Variants in CSMD1 observed in about 807,000 individuals in gnomAD.
The protein encoded by CSMD1 is CUB and sushi domain-containing protein 1.
CSMD1 carries 213 observed loss-of-function variants against 417.5 expected under a neutral mutation model. The observed-to-expected ratio is 0.51, with a 90% CI of 0.46 to 0.57. CSMD1 has a LOEUF of 0.57. Ranked by LOEUF, CSMD1 falls within the 20% of genes least tolerant of loss-of-function variation. The pLI is 0.00. For synonymous variants in CSMD1, 2,862 were observed against 1,736.8 expected, an observed-to-expected ratio of 1.65 and a Z score of -16.11; for missense variants, 6,923 against 4,529.7, an observed-to-expected ratio of 1.53 and a Z score of -15.17.
At chr8:3,483,050 G>A (rs369226389) in intron 11 of CSMD1, among the ~76,000 whole-genome samples, 22 of 152,024 alleles carry the variant, frequency 1.4e-4, no homozygotes, top group Non-Finnish European at 3.1e-4. Context: ...AATTACTTAA[G>A]TTCCTACCTC....
chr8:2,959,096 T>C (rs1032221203), intron 62 of CSMD1, among the ~76,000 whole-genome samples: 1 of 152,222 alleles, frequency 6.6e-6, no homozygotes, highest in African/African-American at 2.4e-5. Flanking sequence ...ATTGATTGAT[T>C]GATTGACTGA....
At chr8:4,065,601 G>C (rs980062109) in intron 3 of CSMD1, among the ~76,000 whole-genome samples, 1 of 152,100 alleles carries the variant, frequency 6.6e-6, no homozygotes, top group African/African-American at 2.4e-5. Context: ...CAAATGCTAT[G>C]TAAAGGAGAC....
chr8:4,061,715 T>G (rs1483528059), intron 3 of CSMD1, among the ~76,000 whole-genome samples: 1 of 152,194 alleles, frequency 6.6e-6, no homozygotes, highest in Non-Finnish European at 1.5e-5. Context: ...TTACATTTAT[T>G]CCTTACCAAA....
chr8:3,496,855 G>A (rs548235689), intron 10 of CSMD1, among the ~76,000 whole-genome samples: 57 of 152,164 alleles, frequency 3.7e-4, no homozygotes, highest in African/African-American at 1.3e-3. Flanking sequence ...TTTAAATTTT[G>A]TTCTTAATTT....
intron 40 of CSMD1, 55 bp downstream of exon 40, chr8:3,151,342 C>T (rs1266893470): frequency 2.6e-6 from 3 of 1,135,196 alleles, no homozygotes; most frequent in Non-Finnish European, 3.9e-6. Flanking sequence ...TTAATTCTTT[C>T]CAAGATGGAA....
intron 27 of CSMD1, among the ~76,000 whole-genome samples, chr8:3,224,670 G>C (rs1029601511): frequency 6.6e-6 from 1 of 152,126 alleles, no homozygotes; most frequent in Non-Finnish European, 1.5e-5. Context: ...AATTTAGTTT[G>C]TGTTTGAAGT....
chr8:3,055,929 G>A (rs1461206964), intron 49 of CSMD1, among the ~76,000 whole-genome samples: 1 of 152,170 alleles, frequency 6.6e-6, no homozygotes, highest in Non-Finnish European at 1.5e-5. Context: ...AGGTAATCAG[G>A]AGGGTTCAAT....
rs780915322 is a variant in CSMD1, at chr8:3,409,463, C to G, written c.1704G>C (p.Gln568His). ...TGTTGCCAGACCACTGATTGTTCTG[C>G]TGACAGGTGATAACTCTCTCCCCCA... is the stretch of plus-strand genomic sequence containing the variant. ...ELVGERVITCQQNNQWSGNKP... is the reference protein window; with the variant it reads ...ELVGERVITCHQNNQWSGNKP... Residue 568 changes from glutamine to histidine, a missense_variant, in exon 13 of 70, where the codon CAG (glutamine) becomes CAC (histidine). Transcript: ENST00000635120. 3 of 1,611,604 alleles carry G rather than the reference C, an allele frequency of 1.9e-6. No homozygotes were observed. The highest frequency in any genetic ancestry group is 2.5e-6 in the Non-Finnish European group (3 of 1,179,008).
chr8:4,278,861 T>C (rs1422526850), intron 3 of CSMD1, among the ~76,000 whole-genome samples: 3 of 152,180 alleles, frequency 2.0e-5, no homozygotes, highest in Admixed American at 6.5e-5. Flanking sequence ...ACATTCTCAA[T>C]TGCAGTATGT....
At chr8:4,623,795 AATT>A in intron 2 of CSMD1, among the ~76,000 whole-genome samples, 4 of 152,046 alleles carry the variant, frequency 2.6e-5, no homozygotes, top group African/African-American at 9.7e-5. Flanking sequence ...AAAGCAAACT[AATT>A]CATAGTGACA....
chr8:4,557,783 G>C (rs141583198), intron 2 of CSMD1, among the ~76,000 whole-genome samples: 1 of 152,172 alleles, frequency 6.6e-6, no homozygotes. Context: ...GTAAGTCTCC[G>C]TGCCCCACGT....
intron 3 of CSMD1, among the ~76,000 whole-genome samples, chr8:4,372,051 G>A (rs1370730): frequency 0.41 from 62,173 of 152,060 alleles, 13,586 homozygotes; most frequent in African/African-American, 0.58. Context: ...AAGGTCTGGG[G>A]TGAACATGGC....
rs11993057 is a variant in CSMD1, at chr8:3,474,066, G to A, written c.1449-5242C>T. Among the ~76,000 whole-genome samples, 435 of 152,236 alleles carry A rather than the reference G, an allele frequency of 2.9e-3. 2 individuals carry two copies. Among genetic ancestry groups the A allele is most frequent in the African/African-American group, 8.3e-3 (345 of 41,546 alleles). On this transcript the variant is annotated intron_variant, in intron 11 of 69. Transcript: ENST00000635120. ...CCTCCCTCAACACATGGGGATTATA[G>A]AGATTACAATTAGAGATGAGATTTG...
chr8:3,193,796 A>G (rs1438675985), intron 33 of CSMD1, among the ~76,000 whole-genome samples: 1 of 152,148 alleles, frequency 6.6e-6, no homozygotes, highest in Non-Finnish European at 1.5e-5. Flanking sequence ...AAGCAGCGCA[A>G]ATGTGTGCTC....
chr8:4,236,026 G>GCTTTTTTTTT (rs1420352173), intron 3 of CSMD1, among the ~76,000 whole-genome samples: 15 of 108,080 alleles, frequency 1.4e-4, no homozygotes, highest in Admixed American at 5.3e-4. Flanking sequence ...AATGGATATT[G>GCTTTTTTTTT]TTTTTTTTGT....
At chr8:4,552,837 C>T (rs1246101465) in intron 2 of CSMD1, among the ~76,000 whole-genome samples, 1 of 152,194 alleles carries the variant, frequency 6.6e-6, no homozygotes, top group African/African-American at 2.4e-5. Flanking sequence ...CAATTATGCT[C>T]TAGCTGGATG....
chr8:3,815,622 C>G (rs928819780), intron 5 of CSMD1, among the ~76,000 whole-genome samples: 1 of 68,496 alleles, frequency 1.5e-5, no homozygotes, highest in African/African-American at 6.3e-5. Flanking sequence ...CACTGCTAGA[C>G]TTTCTTTTTT....
At chr8:4,104,294 C>T (rs557915378) in intron 3 of CSMD1, among the ~76,000 whole-genome samples, 3 of 152,220 alleles carry the variant, frequency 2.0e-5, no homozygotes, top group Admixed American at 6.5e-5. Context: ...TTCTAAGCAC[C>T]CATGTGCAAG....
intron 3 of CSMD1, among the ~76,000 whole-genome samples, chr8:4,069,175 T>C (rs528172840): frequency 6.6e-6 from 1 of 152,298 alleles, no homozygotes; most frequent in South Asian, 2.1e-4. Context: ...CTATGATGGG[T>C]AGGCATAAAA....
Sources: gnomAD v4.1 joint callset for allele counts (sites outside exome capture counted in the v4.1 genomes callset) on GRCh38, gnomAD v4.1.1 for gene constraint, MANE v1.5 for transcripts, NCBI Gene and HGNC (gene_info 2026-07-23, HGNC 2026-07-21) for gene names.